ZZEF1: variants seen among roughly 807,000 people sequenced by gnomAD.
The protein encoded by ZZEF1 is zinc finger ZZ-type and EF-hand domain-containing protein 1.
ZZEF1 carries 157 observed loss-of-function variants against 342.8 expected under a neutral mutation model. The observed-to-expected ratio is 0.46, with a 90% CI of 0.40 to 0.52. ZZEF1 has a LOEUF of 0.52. ZZEF1 is among the 20% of genes least tolerant of loss of function. ZZEF1 has a pLI of 0.00. For missense variants in ZZEF1, 3,480 were observed against 3,725.6 expected (o/e 0.93, Z 1.72); for synonymous variants, 1,505 against 1,429.1 (o/e 1.05, Z -1.20).
In ZZEF1 at chr17:4,008,807, A is replaced by C; in HGVS notation, c.8805+76T>G. 6.5e-7 allele frequency: 1 copy of C among 1,531,558 alleles called. No homozygotes were observed. The highest frequency in any genetic ancestry group is 8.8e-7 in the Non-Finnish European group (1 of 1,141,570). 94.9% of individuals were successfully genotyped at this position (1,531,558 alleles called of 1,614,324 possible). Reference sequence around the variant, plus strand: ...TGTCCTACTCAGACGCAATGTACAGACCTTCTCTGCCCTGGCAATGGTGAG... The same window carrying C: ...TGTCCTACTCAGACGCAATGTACAGCCCTTCTCTGCCCTGGCAATGGTGAG... On this transcript the variant is annotated intron_variant, in intron 54 of 54. Coordinates refer to ENST00000381638, the MANE Select transcript of ZZEF1 (RefSeq NM_015113.4). This position sits in a 1 kb window ranked among gnomAD's most constrained non-coding sequence, Gnocchi z 4.2.
chr17:4,021,399 T>A, intron 44 of ZZEF1, 79 bp from the exon 45 acceptor site: 1 of 1,201,562 alleles, frequency 8.3e-7, no homozygotes, highest in Non-Finnish European at 1.1e-6. Flanking sequence ...CATGAAAATA[T>A]TGGGCCTAAC....
intron 2 of ZZEF1, among the ~76,000 whole-genome samples, chr17:4,123,057 C>T (rs1229727050): frequency 1.3e-5 from 2 of 151,020 alleles, no homozygotes; most frequent in Non-Finnish European, 3.0e-5. Flanking sequence ...GTAGCTGGGA[C>T]TACGGGCACC....
At chr17:4,078,574 G>T (rs565805070) in intron 18 of ZZEF1, among the ~76,000 whole-genome samples, 2 of 152,226 alleles carry the variant, frequency 1.3e-5, no homozygotes, top group Non-Finnish European at 2.9e-5. Context: ...ACAAGGAAAT[G>T]GTGAACACAA....
intron 32 of ZZEF1, among the ~76,000 whole-genome samples, chr17:4,057,467 G>C (rs1366820293): frequency 6.6e-6 from 1 of 152,152 alleles, no homozygotes; most frequent in Non-Finnish European, 1.5e-5. Flanking sequence ...ATAGGGAAGT[G>C]GATTTGAGTA....
At chr17:4,049,212 G>C (rs1020665087) in intron 37 of ZZEF1, among the ~76,000 whole-genome samples, 1 of 152,022 alleles carries the variant, frequency 6.6e-6, no homozygotes, top group Admixed American at 6.6e-5. Context: ...CCATTTTATA[G>C]ATGAGAAAAC....
intron 36 of ZZEF1, 79 bp from the exon 37 acceptor site, chr17:4,049,938 G>T (rs2057009606): frequency 2.0e-6 from 3 of 1,511,438 alleles, no homozygotes; most frequent in African/African-American, 1.4e-5. Flanking sequence ...AAGTTACTTT[G>T]CCATTATATA....
Position 4,032,874 on chromosome 17 carries a change from T to C in ZZEF1, c.6713A>G (p.Lys2238Arg), listed in dbSNP as rs763417977. ...GAGCAGGGTGAAGATGTTGGTGTGC[T>C]TCAGCTGGAATGGCAGCTGCTTGAT... ...HCIKQLPFQL[K>R]HTNIFTLLVL... The change falls in exon 41 of 55, where the codon AAG becomes AGG. Residue 2238 changes from lysine (K) to arginine (R), a missense_variant. Physicochemically the swap from Lys to Arg is conservative, Grantham distance 26. Around this residue, in one of 5 missense-constraint regions of ZZEF1, gnomAD observed 1,269 missense variants for 1,342.4 expected, o/e 0.95. Coordinates refer to ENST00000381638, the MANE Select transcript of ZZEF1 (RefSeq NM_015113.4). 1 of 1,614,172 alleles carries C rather than the reference T, an allele frequency of 6.2e-7. No homozygotes were observed. The highest frequency in any genetic ancestry group is 1.1e-5 in the South Asian group (1 of 91,086).
At chr17:4,109,271 A>G (rs2058258301) in intron 6 of ZZEF1, among the ~76,000 whole-genome samples, 1 of 152,188 alleles carries the variant, frequency 6.6e-6, no homozygotes, top group South Asian at 2.1e-4. Context: ...AATAGACTGC[A>G]TCTGAAAGGG....
chr17:4,074,669 A>G (rs2057574451), intron 23 of ZZEF1, among the ~76,000 whole-genome samples: 1 of 152,192 alleles, frequency 6.6e-6, no homozygotes, highest in African/African-American at 2.4e-5. Flanking sequence ...CATGGAGAGA[A>G]GGTCAACAGT....
chr17:4,040,151 G>A (rs543799910), intron 39 of ZZEF1, among the ~76,000 whole-genome samples: 1 of 152,226 alleles, frequency 6.6e-6, no homozygotes, highest in South Asian at 2.1e-4. Context: ...ACAGGGGTCC[G>A]GATGAAAAGG....
At chr17:4,033,110 T>C (rs2056585054) in intron 40 of ZZEF1, 108 bp from the exon 41 acceptor site, 3 of 1,066,094 alleles carry the variant, frequency 2.8e-6, no homozygotes, top group African/African-American at 1.6e-5. Context: ...GAGCCATTCA[T>C]TAACTAGCTT....
intron 1 of ZZEF1, among the ~76,000 whole-genome samples, chr17:4,132,032 G>A (rs1339408635): frequency 6.6e-6 from 1 of 152,014 alleles, no homozygotes; most frequent in Non-Finnish European, 1.5e-5. Context: ...CATATTACTT[G>A]GTAATACAGC....
intron 28 of ZZEF1, 83 bp downstream of exon 28, chr17:4,066,364 T>C (rs2057395245): frequency 8.4e-7 from 1 of 1,184,382 alleles, no homozygotes; most frequent in Non-Finnish European, 1.3e-6. Context: ...ATTAAGATAA[T>C]CTAGAAGGTG....
chr17:4,114,473 G>A lies in ZZEF1; in HGVS notation c.695-3C>T, dbSNP rs1252750936. 4 of 1,513,962 alleles carry A rather than the reference G, an allele frequency of 2.6e-6. No homozygotes were observed. Among genetic ancestry groups the A allele is most frequent in the Non-Finnish European group, 3.5e-6 (4 of 1,128,558 alleles). The allele number at this position is 1,513,962 out of a possible 1,614,324, so 93.8% of individuals were successfully genotyped here. A position where few individuals can be genotyped will look rare whatever the true frequency, so the allele number is the denominator to read the frequency against. ...TCTAGTTAGATCTCCAGGGCTTTCTGTAGGGGAAACCAGAGTTGATTATAT... is the reference window on the plus strand; with the variant it reads ...TCTAGTTAGATCTCCAGGGCTTTCTATAGGGGAAACCAGAGTTGATTATAT... On this transcript the variant is annotated splice_region_variant and splice_polypyrimidine_tract_variant and intron_variant, in intron 3 of 54. Coordinates refer to ENST00000381638, the MANE Select transcript of ZZEF1 (RefSeq NM_015113.4).
intron 34 of ZZEF1, 104 bp downstream of exon 34, chr17:4,053,953 A>T (rs1030621446): frequency 7.8e-7 from 1 of 1,282,364 alleles, no homozygotes; most frequent in Non-Finnish European, 1.1e-6. Context: ...ACCACTGGGC[A>T]GTACTTTGAT....
chr17:4,098,113 C>G (rs2058069279), intron 9 of ZZEF1, among the ~76,000 whole-genome samples: 2 of 151,826 alleles, frequency 1.3e-5, no homozygotes, highest in African/African-American at 4.8e-5. Context: ...TGGCACACAC[C>G]TGTAATCCCA....
At chr17:4,066,158 G>T (rs1190162849) in intron 28 of ZZEF1, among the ~76,000 whole-genome samples, 2 of 152,006 alleles carry the variant, frequency 1.3e-5, no homozygotes, top group African/African-American at 4.8e-5. Flanking sequence ...GACAGAACGA[G>T]ACCCCATCTC....
intron 12 of ZZEF1, among the ~76,000 whole-genome samples, 185 bp downstream of exon 12, chr17:4,090,526 GCTCTCTGT>G (rs1488903929): frequency 6.6e-6 from 1 of 152,206 alleles, no homozygotes; most frequent in Non-Finnish European, 1.5e-5. Flanking sequence ...GTTGCCAACA[GCTCTCTGT>G]CTCTCCTTTT....
At chr17:4,137,167 A>T (rs1237803158) in intron 1 of ZZEF1, among the ~76,000 whole-genome samples, 1 of 152,284 alleles carries the variant, frequency 6.6e-6, no homozygotes, top group South Asian at 2.1e-4. Context: ...GCAAGGCAGT[A>T]CCATGGTGAG....
Sources: allele counts gnomAD v4.1 joint callset (sites outside exome capture counted in the v4.1 genomes callset), GRCh38; gene constraint gnomAD v4.1.1; regional missense constraint gnomAD v4.1.1; non-coding constraint Gnocchi (gnomAD v3.1); transcripts MANE v1.5; gene names NCBI Gene and HGNC (gene_info 2026-07-23, HGNC 2026-07-21).